Variants in XKR9 observed in about 807,000 individuals in gnomAD.
XKR9 encodes XK related 9, also known as XK-related protein 9.
In XKR9, 32 loss-of-function variants were observed where a neutral mutation model predicts 32.0. The observed-to-expected ratio is 1.00, with a 90% confidence interval of 0.76 to 1.34. XKR9 has a LOEUF of 1.34. Ranked by LOEUF, XKR9 falls within the 40% of genes most tolerant of loss-of-function variation. XKR9 has a pLI of 0.00. For missense variants in XKR9, 546 were observed against 429.7 expected (o/e 1.27, Z -2.39); for synonymous variants, 168 against 143.4 (o/e 1.17, Z -1.22).
At chr8:70,995,501 G>A in the XKR9 span, among the ~76,000 whole-genome samples, 2 of 151,980 alleles carry the variant, frequency 1.3e-5, no homozygotes, top group Non-Finnish European at 2.9e-5. Flanking sequence ...TCTTAAAACC[G>A]AGTCATGAAC....
the XKR9 span, among the ~76,000 whole-genome samples, chr8:71,042,485 A>G: frequency 7.9e-5 from 12 of 152,292 alleles, no homozygotes; most frequent in African/African-American, 2.6e-4. Flanking sequence ...CTGTAAGATT[A>G]GGATAGTAAC....
At chr8:71,036,945 C>G in the XKR9 span, among the ~76,000 whole-genome samples, 2 of 149,136 alleles carry the variant, frequency 1.3e-5, no homozygotes, top group Non-Finnish European at 3.0e-5. Flanking sequence ...AACTCCTGAG[C>G]TTAAGCAATC....
At chr8:70,918,664 G>C in the XKR9 span, among the ~76,000 whole-genome samples, 1 of 151,086 alleles carries the variant, frequency 6.6e-6, no homozygotes, top group African/African-American at 2.4e-5. Flanking sequence ...CTGCACTCCA[G>C]CCTGGGTGAC....
chr8:70,875,341 G>C, the XKR9 span, among the ~76,000 whole-genome samples: 1 of 152,130 alleles, frequency 6.6e-6, no homozygotes, highest in Non-Finnish European at 1.5e-5. Flanking sequence ...CACATGACTT[G>C]CCTTGGTGTG....
the XKR9 span, among the ~76,000 whole-genome samples, chr8:70,996,514 T>G: frequency 6.6e-6 from 1 of 152,228 alleles, no homozygotes; most frequent in Non-Finnish European, 1.5e-5. Context: ...TGAATAGATT[T>G]TAATTGCTTG....
intron 2 of XKR9, among the ~76,000 whole-genome samples, chr8:70,754,822 C>T (rs1356749387): frequency 1.3e-5 from 2 of 151,922 alleles, no homozygotes; most frequent in African/African-American, 4.8e-5. Context: ...AGAAGAAAAC[C>T]TAGGCATTAC....
downstream of XKR9, among the ~76,000 whole-genome samples, chr8:70,736,315 G>GT (rs775679276): frequency 0.078 from 10,207 of 131,262 alleles, 411 homozygotes; most frequent in Non-Finnish European, 0.11. Flanking sequence ...TGATGGGGTT[G>GT]TTTGTTTTTT....
chr8:70,985,345 C>A, the XKR9 span, among the ~76,000 whole-genome samples: 1 of 152,110 alleles, frequency 6.6e-6, no homozygotes, highest in African/African-American at 2.4e-5. Context: ...TGAACTCATT[C>A]CTTGTTATGG....
intron 4 of XKR9, among the ~76,000 whole-genome samples, chr8:70,729,988 A>G (rs1312132392): frequency 6.6e-6 from 1 of 152,234 alleles, no homozygotes; most frequent in African/African-American, 2.4e-5. Flanking sequence ...TCAAAGGCTT[A>G]AAACACTGGA....
the XKR9 span, among the ~76,000 whole-genome samples, chr8:70,828,385 A>G: frequency 1.3e-5 from 2 of 152,170 alleles, no homozygotes; most frequent in Non-Finnish European, 2.9e-5. Context: ...AGAGCTTCCA[A>G]GGTTTAGGTG....
chr8:70,689,643 T>C (rs1285195253), intron 3 of XKR9, among the ~76,000 whole-genome samples: 1 of 151,930 alleles, frequency 6.6e-6, no homozygotes, highest in Non-Finnish European at 1.5e-5. Context: ...TTAGTGTCTT[T>C]TGATAGAGTT....
chr8:70,814,403 T>A, the XKR9 span, among the ~76,000 whole-genome samples: 3 of 151,866 alleles, frequency 2.0e-5, no homozygotes, highest in South Asian at 6.2e-4. Flanking sequence ...GTAACAAACC[T>A]GCACATTGTG....
chr8:71,030,066 ATAGGACC>A, the XKR9 span, among the ~76,000 whole-genome samples: 1 of 152,100 alleles, frequency 6.6e-6, no homozygotes, highest in Admixed American at 6.6e-5. Context: ...TTTTATTTAT[ATAGGACC>A]TAAGCCAGGA....
chr8:70,794,007 AAGC>A (rs946800066), downstream of XKR9, among the ~76,000 whole-genome samples: 6 of 152,070 alleles, frequency 3.9e-5, no homozygotes, highest in Non-Finnish European at 8.8e-5. Context: ...ACTAAAATAA[AAGC>A]AGAGATATTT....
chr8:70,780,265 C>T (rs1186524178), intron 2 of XKR9, among the ~76,000 whole-genome samples: 4 of 150,824 alleles, frequency 2.7e-5, no homozygotes, highest in African/African-American at 4.9e-5. Context: ...TTTATTATTT[C>T]TTACTTTGCA....
intron 4 of XKR9, among the ~76,000 whole-genome samples, chr8:70,728,541 C>T (rs756782956): frequency 2.0e-5 from 3 of 152,106 alleles, no homozygotes; most frequent in Non-Finnish European, 4.4e-5. Context: ...AGTGCAGTTC[C>T]CAGTTTTAAA....
downstream of XKR9, among the ~76,000 whole-genome samples, chr8:70,794,725 G>A (rs1404319347): frequency 6.6e-6 from 1 of 151,222 alleles, no homozygotes; most frequent in African/African-American, 2.4e-5. Context: ...GTCTTATATG[G>A]TGTCTACTCC....
intron 3 of XKR9, among the ~76,000 whole-genome samples, chr8:70,695,223 A>G (rs1158448950): frequency 6.7e-6 from 1 of 149,796 alleles, no homozygotes; most frequent in African/African-American, 2.5e-5. Flanking sequence ...CATGTGTGCA[A>G]TGTGCAGGTT....
At chr8:70,809,324 A>T in the XKR9 span, among the ~76,000 whole-genome samples, 1 of 152,232 alleles carries the variant, frequency 6.6e-6, no homozygotes, top group Non-Finnish European at 1.5e-5. Context: ...CCAAAGGTAG[A>T]TAAAACCACA....
Sources: gnomAD v4.1 joint callset for allele counts (sites outside exome capture counted in the v4.1 genomes callset) on GRCh38, gnomAD v4.1.1 for gene constraint, MANE v1.5 for transcripts, NCBI Gene and HGNC (gene_info 2026-07-23, HGNC 2026-07-21) for gene names.